The following MDGA2 variants were observed in gnomAD, a reference collection of about 807,000 sequenced individuals.
MDGA2 encodes the protein MAM domain containing glycosylphosphatidylinositol anchor 2.
MDGA2 carries 40 observed loss-of-function variants against 117.8 expected under a neutral mutation model. The observed-to-expected ratio is 0.34, with a 90% CI of 0.26 to 0.44. The LOEUF is 0.44. Among genes scored for constraint, MDGA2 ranks in the 20% least tolerant of loss-of-function variants. The probability of loss-of-function intolerance (pLI) is 1.00; values close to 1 mark genes in which losing one functional copy is unlikely to be tolerated. For synonymous variants in MDGA2, 452 were observed against 439.0 expected (o/e 1.03, Z -0.37); for missense variants, 1,123 against 1,250.6 (o/e 0.90, Z 1.54).
intron 1 of MDGA2, among the ~76,000 whole-genome samples, chr14:47,469,478 A>G (rs1406103415): frequency 6.6e-6 from 1 of 152,236 alleles, no homozygotes; most frequent in Non-Finnish European, 1.5e-5. Flanking sequence ...TACAAAGGAC[A>G]AGAACTCATC....
At chr14:47,213,009 A>T (rs1219689554) in intron 3 of MDGA2, among the ~76,000 whole-genome samples, 1 of 152,146 alleles carries the variant, frequency 6.6e-6, no homozygotes, top group Non-Finnish European at 1.5e-5. Flanking sequence ...TTCTGAGATT[A>T]ACTTCAATAT....
intron 1 of MDGA2, among the ~76,000 whole-genome samples, chr14:47,387,419 G>C (rs2138430297): frequency 6.6e-6 from 1 of 152,046 alleles, no homozygotes; most frequent in South Asian, 2.1e-4. Context: ...GATCTTTGTG[G>C]GGAATACACC....
chr14:47,543,322 A>C (rs2138760500), intron 1 of MDGA2, among the ~76,000 whole-genome samples: 1 of 152,336 alleles, frequency 6.6e-6, no homozygotes, highest in Non-Finnish European at 1.5e-5. Flanking sequence ...AATATTTAAA[A>C]AATGCAGAAA....
intron 1 of MDGA2, among the ~76,000 whole-genome samples, chr14:47,560,372 A>G (rs942136981): frequency 2.0e-5 from 3 of 152,012 alleles, no homozygotes; most frequent in African/African-American, 7.2e-5. Context: ...CGCCCAGCCT[A>G]TTTTAGGATT....
At chr14:47,472,045 T>A (rs1893738934) in intron 1 of MDGA2, among the ~76,000 whole-genome samples, 1 of 152,168 alleles carries the variant, frequency 6.6e-6, no homozygotes, top group Non-Finnish European at 1.5e-5. Flanking sequence ...GTGATTCTTT[T>A]TCTTCCTTTT....
chr14:47,165,219 G>A (rs748646828), intron 3 of MDGA2, among the ~76,000 whole-genome samples: 2 of 152,050 alleles, frequency 1.3e-5, no homozygotes, highest in Non-Finnish European at 2.9e-5. Flanking sequence ...CCTGCACATT[G>A]TGCACATGTA....
At chr14:46,924,004 G>A (rs1313661996) in intron 9 of MDGA2, among the ~76,000 whole-genome samples, 2 of 151,860 alleles carry the variant, frequency 1.3e-5, no homozygotes, top group Non-Finnish European at 2.9e-5. Flanking sequence ...CCTATACTAT[G>A]TTGTTCCAAT....
chr14:47,265,928 T>C (rs1429266794), intron 2 of MDGA2, among the ~76,000 whole-genome samples: 3 of 152,122 alleles, frequency 2.0e-5, no homozygotes, highest in East Asian at 1.9e-4. Context: ...ACAGAAATCA[T>C]AATCTCTGGC....
chr14:47,297,509 G>GAAGGC (rs1195395373), intron 2 of MDGA2, among the ~76,000 whole-genome samples: 1 of 139,998 alleles, frequency 7.1e-6, no homozygotes, highest in African/African-American at 2.7e-5. Context: ...GAAGGGAAGG[G>GAAGGC]AAGGGAAGGG....
chr14:47,525,415 G>C (rs1194217968), intron 1 of MDGA2, among the ~76,000 whole-genome samples: 2 of 152,144 alleles, frequency 1.3e-5, no homozygotes, highest in Non-Finnish European at 2.9e-5. Flanking sequence ...GCCAGGCACA[G>C]TGGTTCAGCC....
At chr14:47,488,595 G>C (rs953804851) in intron 1 of MDGA2, among the ~76,000 whole-genome samples, 2 of 152,018 alleles carry the variant, frequency 1.3e-5, no homozygotes, top group Non-Finnish European at 2.9e-5. Flanking sequence ...AGCAAGGAAT[G>C]GATGAAGAAA....
intron 8 of MDGA2, among the ~76,000 whole-genome samples, chr14:46,974,483 A>G (rs1263416752): frequency 1.3e-5 from 2 of 152,156 alleles, no homozygotes; most frequent in Non-Finnish European, 2.9e-5. Context: ...AAGTCACTAC[A>G]GAGCTCCAGC....
chr14:47,081,398 A>C (rs1890703212), intron 6 of MDGA2, among the ~76,000 whole-genome samples: 1 of 152,158 alleles, frequency 6.6e-6, no homozygotes, highest in Non-Finnish European at 1.5e-5. Flanking sequence ...GTAATATTTT[A>C]AATATAATTT....
intron 1 of MDGA2, among the ~76,000 whole-genome samples, chr14:47,423,556 C>CTGTGTG (rs34672294): frequency 6.0e-5 from 9 of 150,410 alleles, no homozygotes; most frequent in African/African-American, 1.9e-4. Context: ...ATCCCCACGC[C>CTGTGTG]TGTGTGTGTG....
intron 5 of MDGA2, among the ~76,000 whole-genome samples, chr14:47,101,171 G>A (rs575984787): frequency 1.8e-4 from 27 of 151,866 alleles, no homozygotes; most frequent in African/African-American, 4.6e-4. Context: ...TAGTGATTTC[G>A]AATGACAAGA....
At chr14:47,233,395 G>A (rs1400826135) in intron 2 of MDGA2, among the ~76,000 whole-genome samples, 1 of 152,054 alleles carries the variant, frequency 6.6e-6, no homozygotes, top group Non-Finnish European at 1.5e-5. Flanking sequence ...ATAAAGATTT[G>A]GTCGTCTCTC....
chr14:47,152,854 TATTAA>T (rs1358232146), intron 3 of MDGA2, among the ~76,000 whole-genome samples: 1 of 152,106 alleles, frequency 6.6e-6, no homozygotes, highest in Non-Finnish European at 1.5e-5. Flanking sequence ...CCAGATAATA[TATTAA>T]ATTAAATAAT....
chr14:47,236,306 A>C (rs960188815), intron 2 of MDGA2, among the ~76,000 whole-genome samples: 2 of 151,438 alleles, frequency 1.3e-5, no homozygotes, highest in Non-Finnish European at 2.9e-5. Context: ...AAAAAAAAAA[A>C]AAAAAAACAA....
chr14:46,861,296 T>C (rs965643931), intron 14 of MDGA2, among the ~76,000 whole-genome samples: 4 of 151,934 alleles, frequency 2.6e-5, no homozygotes, highest in African/African-American at 9.7e-5. Flanking sequence ...AACATATTAA[T>C]ATGTGTGACT....
Sources: gnomAD v4.1 joint callset for allele counts (sites outside exome capture counted in the v4.1 genomes callset) on GRCh38, gnomAD v4.1.1 for gene constraint, MANE v1.5 for transcripts, NCBI Gene and HGNC (gene_info 2026-07-23, HGNC 2026-07-21) for gene names.